PTPA: variants seen among roughly 807,000 people sequenced by gnomAD.
PTPA encodes serine/threonine-protein phosphatase 2A activator.
PTPA carries 13 observed loss-of-function variants against 43.6 expected under a neutral mutation model. The observed-to-expected ratio is 0.30, with a 90% CI of 0.19 to 0.47. The LOEUF (loss-of-function observed/expected upper bound fraction) is 0.47. PTPA is among the 20% of genes least tolerant of loss of function. The pLI is 0.99. For synonymous variants in PTPA, 172 were observed against 158.2 expected (o/e 1.09, Z -0.66); for missense variants, 329 against 411.9 (o/e 0.80, Z 1.74).
At chr9:129,112,732 G>T (rs999446823) in intron 1 of PTPA, among the ~76,000 whole-genome samples, 1 of 152,098 alleles carries the variant, frequency 6.6e-6, no homozygotes, top group African/African-American at 2.4e-5. Context: ...ACCTGAGGTC[G>T]GGAGTTCGAG....
chr9:129,111,789 G>C, intron 1 of PTPA, 158 bp downstream of exon 1: 2 of 1,231,762 alleles, frequency 1.6e-6, no homozygotes, highest in Non-Finnish European at 2.0e-6. Flanking sequence ...CCTTAGGGGA[G>C]AGGTGGGTGG....
chr9:129,123,641 A>T (rs1358954201), intron 3 of PTPA, among the ~76,000 whole-genome samples: 1 of 151,964 alleles, frequency 6.6e-6, no homozygotes, highest in Non-Finnish European at 1.5e-5. Context: ...CAAGGTAAAT[A>T]TGCTGTTTTG....
intron 8 of PTPA, 57 bp from the exon 9 acceptor site, chr9:129,142,388 G>T: frequency 6.7e-7 from 1 of 1,490,034 alleles, no homozygotes; most frequent in Non-Finnish European, 9.1e-7. Flanking sequence ...TGCAGGGGAG[G>T]AGGGATGAGC....
intron 8 of PTPA, 57 bp downstream of exon 8, chr9:129,137,749 A>G: frequency 6.9e-7 from 1 of 1,448,174 alleles, no homozygotes. Context: ...AGATGAACCA[A>G]GGCTGGTGGC....
intron 9 of PTPA, chr9:129,143,534 G>A (rs1309227412): frequency 1.5e-6 from 1 of 686,028 alleles, no homozygotes; most frequent in Non-Finnish European, 2.7e-6. Context: ...ACGGGGAAGG[G>A]TGCCAGAGGC....
At chr9:129,115,119 C>G (rs1213059085) in intron 1 of PTPA, among the ~76,000 whole-genome samples, 1 of 152,140 alleles carries the variant, frequency 6.6e-6, no homozygotes, top group Non-Finnish European at 1.5e-5. Flanking sequence ...GAATGGTGAT[C>G]TCACACATAT....
At chr9:129,117,134 G>T (rs761112889) in intron 1 of PTPA, among the ~76,000 whole-genome samples, 1 of 150,266 alleles carries the variant, frequency 6.7e-6, no homozygotes, top group Non-Finnish European at 1.5e-5. Context: ...TTCAGCCTCA[G>T]CCTCCTGGGC....
chr9:129,129,053 C>A lies in PTPA; in HGVS notation c.285C>A (p.Asp95Glu), dbSNP rs765571419. ...DRWIDETPPVDQPSRFGNKAY... is the reference protein window; with the variant it reads ...DRWIDETPPVEQPSRFGNKAY... ...GGATTGATGAGACTCCTCCAGTGGA[C>A]CAGCCCTCTCGGTTTGGGAATAAGG... The change falls in exon 4 of 10, where the codon GAC becomes GAA. Residue 95 changes from aspartate (D) to glutamate (E), a missense_variant. Coordinates refer to ENST00000393370, the MANE Select transcript of PTPA (RefSeq NM_178000.3). 1.1e-5 allele frequency: 17 copies of A among 1,612,682 alleles called. No homozygotes were observed. The highest frequency in any genetic ancestry group is 1.4e-5 in the Non-Finnish European group (17 of 1,180,026).
intron 5 of PTPA, among the ~76,000 whole-genome samples, chr9:129,131,976 G>A (rs969271291): frequency 6.6e-6 from 1 of 152,162 alleles, no homozygotes; most frequent in Non-Finnish European, 1.5e-5. Context: ...CTTACTGTGT[G>A]TCAAGGCAGC....
chr9:129,111,472 C>G lies in PTPA; in HGVS notation c.-129C>G, dbSNP rs1161386688. On this transcript the variant is annotated 5_prime_UTR_variant, in exon 1 of 10. Coordinates refer to ENST00000393370, the MANE Select transcript of PTPA (RefSeq NM_178000.3). ...TTTAACTCTCGGTTTTCGGTTATAG[C>G]CGGCCGGCGCTCACTTGTCTTCAGG... 1 of 1,262,048 alleles carries G rather than the reference C, an allele frequency of 7.9e-7. No homozygotes were observed. Among genetic ancestry groups the G allele is most frequent in the Non-Finnish European group, 1.0e-6 (1 of 995,548 alleles). 78.2% of individuals were successfully genotyped at this position (1,262,048 alleles called of 1,614,324 possible).
At chr9:129,125,930 T>C (rs1849547049) in intron 3 of PTPA, among the ~76,000 whole-genome samples, 1 of 152,078 alleles carries the variant, frequency 6.6e-6, no homozygotes, top group Admixed American at 6.5e-5. Context: ...GGGTGAATCA[T>C]GAGGTCAGGA....
chr9:129,133,546 G>A (rs1233216902), intron 5 of PTPA, among the ~76,000 whole-genome samples: 1 of 152,208 alleles, frequency 6.6e-6, no homozygotes, highest in Non-Finnish European at 1.5e-5. Flanking sequence ...CCTCCCTCCA[G>A]ATAGGTTTTG....
At chr9:129,111,085 A>AG (rs1206969292), upstream of PTPA, 6 of 1,360,240 alleles carry the variant, frequency 4.4e-6, no homozygotes, top group African/African-American at 8.9e-5. Flanking sequence ...CCTAACTCTT[A>AG]GAGTGATAGG....
rs146319192 is a variant in PTPA, at chr9:129,113,503, T to A, written c.31+1872T>A. ...TGGTGATGACTCCGGGCACAGTGGC[T>A]CACACCTGTAATCCCAGCACTTTGG... is the stretch of plus-strand genomic sequence containing the variant. On this transcript the variant is annotated intron_variant, in intron 1 of 9. Coordinates refer to ENST00000393370, the MANE Select transcript of PTPA (RefSeq NM_178000.3). Among the ~76,000 whole-genome samples, 1,000 of 150,116 alleles carry A rather than the reference T, an allele frequency of 6.7e-3. 5 individuals are homozygous for A. Among genetic ancestry groups the A allele is most frequent in the Admixed American group, 0.013 (190 of 15,008 alleles).
At position 129,129,712 on chromosome 9, in the gene PTPA, G is replaced by A. The variant is rs137950955; in HGVS notation, c.342+602G>A. 6.2e-3 allele frequency among the ~76,000 whole-genome samples: 941 copies of A among 152,160 alleles called. 11 individuals carry two copies. The highest frequency in any genetic ancestry group is 0.021 in the African/African-American group (872 of 41,510). ...TCTTGATCTCCTGACCTTGTGATCC[G>A]CCCATCTCGGCCTCCCAAAGTGCTG... On this transcript the variant is annotated intron_variant, in intron 4 of 9. Coordinates refer to ENST00000393370, the MANE Select transcript of PTPA (RefSeq NM_178000.3).
At chr9:129,134,144 C>CA (rs1454654017) in intron 5 of PTPA, among the ~76,000 whole-genome samples, 1 of 152,172 alleles carries the variant, frequency 6.6e-6, no homozygotes, top group African/African-American at 2.4e-5. Flanking sequence ...ACTTACTTGT[C>CA]ACTGTCTCCT....
intron 8 of PTPA, chr9:129,140,286 T>G (rs576698986): frequency 6.5e-6 from 1 of 152,734 alleles, no homozygotes; most frequent in African/African-American, 2.4e-5. Flanking sequence ...ATTTTTTCTT[T>G]GTCTTCCAGC....
At chr9:129,111,358 G>A (rs917528411), upstream of PTPA, 2 of 1,210,926 alleles carry the variant, frequency 1.7e-6, no homozygotes, top group East Asian at 3.4e-5. Context: ...CCGTCGCCCG[G>A]TTCCGCGCGT....
chr9:129,136,518 C>CA lies in PTPA; in HGVS notation c.609dup (p.Ala204SerfsTer11). The CA allele has an allele frequency of 6.2e-7, 1 of 1,613,880 alleles. No homozygotes were observed. On this transcript the variant is annotated frameshift_variant, in exon 7 of 10. Transcript: ENST00000393370. LOFTEE classifies it high-confidence loss of function. Reference sequence around the variant, plus strand: ...CTCCAGAAAACATACAGGATGGAGCCAGCCGGCAGCCAGGGAGTGTGGGGT... The same window carrying CA: ...CTCCAGAAAACATACAGGATGGAGCCAAGCCGGCAGCCAGGGAGTGTGGGGT...
Sources: gnomAD v4.1 joint callset for allele counts (sites outside exome capture counted in the v4.1 genomes callset) on GRCh38, gnomAD v4.1.1 for gene constraint, MANE v1.5 for transcripts, NCBI Gene and HGNC (gene_info 2026-07-23, HGNC 2026-07-21) for gene names.